DOCK1: variants seen among roughly 807,000 people sequenced by gnomAD.
DOCK1 encodes dedicator of cytokinesis 1, also known as dedicator of cytokinesis protein 1.
In DOCK1, 138 loss-of-function variants were observed where a neutral mutation model predicts 262.7. The ratio of observed to expected loss-of-function variants is 0.53; its 90% CI spans 0.46 to 0.61. DOCK1 has a LOEUF of 0.61. Ranked by LOEUF, DOCK1 falls within the 20% of genes least tolerant of loss-of-function variation. The pLI is 0.00. For missense variants in DOCK1, 1,908 were observed against 2,370.7 expected (o/e 0.80, Z 4.05); for synonymous variants, 866 against 867.4 (o/e 1.00, Z 0.03).
intron 1 of DOCK1, among the ~76,000 whole-genome samples, chr10:126,945,479 G>GAGAGAGAGAGAGAGGGAGAGAT (rs1319782121): frequency 1.3e-4 from 20 of 151,916 alleles, no homozygotes; most frequent in African/African-American, 4.4e-4. Context: ...GAGGGAGAGA[G>GAGAGAGAGAGAGAGGGAGAGAT]AGAGAGAGAG....
chr10:126,924,872 C>A (rs1049266689), intron 1 of DOCK1, among the ~76,000 whole-genome samples: 1 of 152,206 alleles, frequency 6.6e-6, no homozygotes, highest in Non-Finnish European at 1.5e-5. Context: ...GAAAGTGTTT[C>A]TTAAGGACAA....
intron 25 of DOCK1, among the ~76,000 whole-genome samples, chr10:127,111,074 C>A (rs1369430742): frequency 2.6e-5 from 4 of 152,154 alleles, no homozygotes; most frequent in Admixed American, 2.0e-4. Context: ...CTGCTCCATT[C>A]ATTTTCTGTT....
intron 47 of DOCK1, among the ~76,000 whole-genome samples, chr10:127,428,892 ACCGTGTGGATTGAG>A (rs1186113027): frequency 4.0e-5 from 3 of 74,194 alleles, no homozygotes; most frequent in Admixed American, 3.5e-4. Flanking sequence ...GGATTGGGGT[ACCGTGTGGATTGAG>A]CCGTGTGGAT....
At chr10:127,443,224 C>G (rs1455049933) in intron 49 of DOCK1, among the ~76,000 whole-genome samples, 1 of 152,194 alleles carries the variant, frequency 6.6e-6, no homozygotes, top group Non-Finnish European at 1.5e-5. Context: ...CATAAGGTCA[C>G]CTGTCCTGTT....
intron 23 of DOCK1, among the ~76,000 whole-genome samples, chr10:127,088,028 T>C (rs1386595805): frequency 6.6e-6 from 1 of 152,232 alleles, no homozygotes; most frequent in Non-Finnish European, 1.5e-5. Flanking sequence ...TCTGATTTGC[T>C]CTAAATCATC....
chr10:127,410,999 A>C, intron 43 of DOCK1, 75 bp downstream of exon 43: 2 of 1,461,160 alleles, frequency 1.4e-6, no homozygotes, highest in Non-Finnish European at 1.9e-6. Flanking sequence ...CCACTGGAGA[A>C]GCGTGGCCTC....
intron 29 of DOCK1, among the ~76,000 whole-genome samples, chr10:127,291,404 C>T (rs2061341942): frequency 6.6e-6 from 1 of 152,132 alleles, no homozygotes; most frequent in Admixed American, 6.6e-5. Context: ...CAGAGATGTA[C>T]ACTAGCCCCT....
At chr10:127,418,597 A>T in intron 45 of DOCK1, 56 bp downstream of exon 45, 1 of 1,545,426 alleles carries the variant, frequency 6.5e-7, no homozygotes, top group East Asian at 2.3e-5. Context: ...GACAGACTGA[A>T]AATTCCCGAG....
At chr10:127,276,959 AAT>A (rs1472587719) in intron 29 of DOCK1, among the ~76,000 whole-genome samples, 1 of 151,848 alleles carries the variant, frequency 6.6e-6, no homozygotes, top group Non-Finnish European at 1.5e-5. Flanking sequence ...TGGAAAAACT[AAT>A]AGACTAGATG....
In DOCK1 at chr10:127,347,869, CTTCCCTTCCCTTCCCATCCCTTCCCTT is replaced by C. The variant is rs1565012376; in HGVS notation, c.3224+4124_3224+4150del. On this transcript the variant is annotated intron_variant, in intron 31 of 51. Transcript: ENST00000623213. ...CTTCCCTTCCCTTCCCTTCCCTTCC[CTTCCCTTCCCTTCCCATCCCTTCCCTT>C]CCCCCTTGCTAAGCCCTTGCAGCTC... Among the ~76,000 whole-genome samples the C allele has an allele frequency of 2.3e-4, 19 of 81,106 alleles. 1 individual carries two copies. In the South Asian group the frequency reaches 3.4e-3, roughly 14 times the overall value. 53.2% of individuals were successfully genotyped at this position (81,106 alleles called of 152,430 possible). A position where few individuals can be genotyped will look rare whatever the true frequency, so the allele number is the denominator to read the frequency against.
intron 27 of DOCK1, chr10:127,137,708 G>T (rs555869508): frequency 3.8e-6 from 3 of 795,274 alleles, no homozygotes; most frequent in African/African-American, 3.4e-5. Flanking sequence ...TTTTTGGTAC[G>T]CAGGGCGAGA....
At chr10:127,285,116 C>T (rs555926083) in intron 29 of DOCK1, among the ~76,000 whole-genome samples, 10 of 152,240 alleles carry the variant, frequency 6.6e-5, no homozygotes, top group Admixed American at 3.3e-4. Flanking sequence ...CCAGCCTGGG[C>T]GACAGAGTGA....
Position 126,977,976 on chromosome 10 carries a change from A to C in DOCK1, c.159A>C (p.Lys53Asn), listed in dbSNP as rs1377543831. 6.2e-7 allele frequency: 1 copy of C among 1,613,952 alleles called. No homozygotes were observed. Among genetic ancestry groups the C allele is most frequent in the Non-Finnish European group, 8.5e-7 (1 of 1,179,866 alleles). Reference protein sequence around the residue: ...EGWYRGYTLRKKSKKGIFPAS... With the variant: ...EGWYRGYTLRNKSKKGIFPAS... ...GGTACCGAGGTTACACGTTACGAAA[A>C]AAGTCTAAGAAGGTAAGTCCTTCTT... Residue 53 changes from lysine to asparagine, a missense_variant, in exon 3 of 52, where the codon AAA (lysine) becomes AAC (asparagine). Lys to Asn is a moderately conservative substitution (Grantham distance 94). This residue lies in a region of DOCK1 where 227 missense variants were observed against 254.1 expected (regional missense o/e 0.89). Coordinates refer to ENST00000623213, the MANE Select transcript of DOCK1 (RefSeq NM_001290223.2).
intron 23 of DOCK1, among the ~76,000 whole-genome samples, chr10:127,096,043 T>C (rs572776064): frequency 6.6e-6 from 1 of 152,184 alleles, no homozygotes; most frequent in Non-Finnish European, 1.5e-5. Flanking sequence ...AGGAAGCTGA[T>C]TACAAAGAGA....
At chr10:126,971,132 C>T (rs2038077994) in intron 2 of DOCK1, among the ~76,000 whole-genome samples, 1 of 151,686 alleles carries the variant, frequency 6.6e-6, no homozygotes, top group Admixed American at 6.6e-5. Context: ...CTCACTGCAA[C>T]CTCTGCCTCC....
chr10:127,233,718 G>A (rs191693595), intron 27 of DOCK1, among the ~76,000 whole-genome samples: 7 of 152,136 alleles, frequency 4.6e-5, no homozygotes, highest in African/African-American at 1.4e-4. Context: ...TTCAGCGAAC[G>A]GATAAATACT....
chr10:127,195,875 C>T (rs1342119446), intron 27 of DOCK1: 1 of 152,258 alleles, frequency 6.6e-6, no homozygotes. Flanking sequence ...CCGGCCAAGC[C>T]GGTTTGGGGC....
chr10:126,948,581 A>G (rs1014691346), intron 1 of DOCK1, among the ~76,000 whole-genome samples: 2 of 151,860 alleles, frequency 1.3e-5, no homozygotes, highest in African/African-American at 2.4e-5. Context: ...GCACCCTGAA[A>G]CAGGGCCCTC....
At chr10:127,340,558 G>T (rs1170635215) in intron 30 of DOCK1, among the ~76,000 whole-genome samples, 1 of 152,148 alleles carries the variant, frequency 6.6e-6, no homozygotes, top group Non-Finnish European at 1.5e-5. Context: ...TACCGTGAGG[G>T]CTGTGATACA....
Sources: gnomAD v4.1 joint callset for allele counts (sites outside exome capture counted in the v4.1 genomes callset) on GRCh38, gnomAD v4.1.1 for gene constraint, gnomAD v4.1.1 regional missense constraint, MANE v1.5 for transcripts, NCBI Gene and HGNC (gene_info 2026-07-23, HGNC 2026-07-21) for gene names.